The following BRAF variants were observed in gnomAD, a reference collection of about 807,000 sequenced individuals.
BRAF encodes the protein serine/threonine-protein kinase B-raf.
In BRAF, 16 loss-of-function variants were observed where a neutral mutation model predicts 104.6. The ratio of observed to expected loss-of-function variants is 0.15; its 90% confidence interval spans 0.10 to 0.23. BRAF has a LOEUF of 0.23. Among genes scored for constraint, BRAF ranks in the 10% least tolerant of loss-of-function variants. The pLI is 1.00. For missense variants in BRAF, 541 were observed against 937.3 expected, an observed-to-expected ratio of 0.58 and a Z score of 5.52; for synonymous variants, 310 against 341.6, an observed-to-expected ratio of 0.91 and a Z score of 1.02.
intron 7 of BRAF, among the ~76,000 whole-genome samples, chr7:140,798,694 C>A (rs982115613): frequency 3.3e-5 from 5 of 151,628 alleles, no homozygotes; most frequent in African/African-American, 1.2e-4. Flanking sequence ...GTGTCTCACG[C>A]CTGTAATTCT....
chr7:140,744,963 G>A (rs1222188429), intron 17 of BRAF, among the ~76,000 whole-genome samples: 1 of 151,976 alleles, frequency 6.6e-6, no homozygotes, highest in African/African-American at 2.4e-5. Flanking sequence ...TTGCAGAGAT[G>A]TAACTTAGGT....
At chr7:140,899,373 G>A (rs1356330290) in intron 1 of BRAF, among the ~76,000 whole-genome samples, 1 of 152,144 alleles carries the variant, frequency 6.6e-6, no homozygotes, top group African/African-American at 2.4e-5. Context: ...CATTAGTCTA[G>A]GGCAAACGCC....
chr7:140,848,892 TC>T (rs1808849661), intron 2 of BRAF, among the ~76,000 whole-genome samples: 1 of 152,172 alleles, frequency 6.6e-6, no homozygotes, highest in Non-Finnish European at 1.5e-5. Flanking sequence ...TTTCCAAACT[TC>T]CAAGTTTACT....
chr7:140,801,631 C>T (rs1803127123), intron 5 of BRAF, 71 bp from the exon 6 acceptor site: 1 of 1,453,620 alleles, frequency 6.9e-7, no homozygotes, highest in Non-Finnish European at 9.5e-7. Flanking sequence ...CGTATCTACT[C>T]TCTTGTTTAA....
chr7:140,908,108 T>C (rs1252660585), intron 1 of BRAF, among the ~76,000 whole-genome samples: 2 of 152,214 alleles, frequency 1.3e-5, no homozygotes, highest in Non-Finnish European at 2.9e-5. Flanking sequence ...AATTTAACAG[T>C]GATTGTTTTA....
At chr7:140,726,992 G>A (rs1022403921) in intron 19 of BRAF, among the ~76,000 whole-genome samples, 5 of 152,100 alleles carry the variant, frequency 3.3e-5, no homozygotes, top group Non-Finnish European at 2.9e-5. Flanking sequence ...CACACCACAC[G>A]TTTGACAGAG....
chr7:140,772,635 A>T (rs1799966805), intron 14 of BRAF, among the ~76,000 whole-genome samples: 1 of 151,854 alleles, frequency 6.6e-6, no homozygotes. Flanking sequence ...CTCAAAATTT[A>T]AAAAAAGTAG....
In BRAF at chr7:140,722,836, T is replaced by G; in HGVS notation, c.*3658A>C. 9.5e-7 allele frequency: 1 copy of G among 1,053,238 alleles called. No homozygotes were observed. The highest frequency in any genetic ancestry group is 1.1e-6 in the Non-Finnish European group (1 of 871,744). 65.2% of individuals were successfully genotyped at this position (1,053,238 alleles called of 1,614,324 possible). ...TAATTTCATGCAATTGACTCAAGGT[T>G]AAGATTCTGAAACGTACCCCTAAAC... On this transcript the variant is annotated 3_prime_UTR_variant, in exon 20 of 20. Coordinates refer to ENST00000644969, the MANE Select transcript of BRAF (RefSeq NM_001374258.1).
At chr7:140,771,187 CT>C in intron 14 of BRAF, among the ~76,000 whole-genome samples, 1 of 152,030 alleles carries the variant, frequency 6.6e-6, no homozygotes, top group African/African-American at 2.4e-5. Flanking sequence ...AATGATTCAA[CT>C]TTTCTAATTA....
intron 14 of BRAF, among the ~76,000 whole-genome samples, chr7:140,770,615 G>A (rs1240214945): frequency 6.6e-6 from 1 of 151,434 alleles, no homozygotes; most frequent in Admixed American, 6.6e-5. Flanking sequence ...GGGTCCTTGG[G>A]ATGAATCAAT....
intron 1 of BRAF, among the ~76,000 whole-genome samples, chr7:140,863,759 T>C (rs1027400717): frequency 6.6e-6 from 1 of 152,184 alleles, no homozygotes; most frequent in African/African-American, 2.4e-5. Context: ...GCTCCTGCCA[T>C]GTAAGACGCA....
intron 8 of BRAF, among the ~76,000 whole-genome samples, chr7:140,793,086 A>T (rs909685171): frequency 1.3e-5 from 2 of 152,250 alleles, no homozygotes; most frequent in Non-Finnish European, 2.9e-5. Context: ...GATGCACATG[A>T]AAAGGTGATA....
chr7:140,781,949 G>C (rs1247722927), intron 11 of BRAF, among the ~76,000 whole-genome samples: 1 of 152,054 alleles, frequency 6.6e-6, no homozygotes, highest in Non-Finnish European at 1.5e-5. Context: ...TAGGGTACAT[G>C]TGCACAACTT....
Position 140,725,208 on chromosome 7 carries a change from G to C in BRAF, c.*1286C>G. 1 of 1,043,848 alleles carries C rather than the reference G, an allele frequency of 9.6e-7. No individual in the cohort carries two copies. The highest frequency in any genetic ancestry group is 1.2e-6 in the Non-Finnish European group (1 of 865,492). 64.7% of individuals were successfully genotyped at this position (1,043,848 alleles called of 1,614,324 possible). ...ATAAAAGACTAGAAAGAAGATGTGG[G>C]ATATAGTGTTAGGAATCAGTTGGAA... is the stretch of plus-strand genomic sequence containing the variant. On this transcript the variant is annotated 3_prime_UTR_variant, in exon 20 of 20. Transcript: ENST00000644969.
intron 1 of BRAF, among the ~76,000 whole-genome samples, chr7:140,895,214 G>C (rs1218067103): frequency 6.6e-6 from 1 of 151,764 alleles, no homozygotes; most frequent in African/African-American, 2.4e-5. Flanking sequence ...GATCAATGTA[G>C]GAAAAAAACA....
At chr7:140,824,303 C>T (rs1805776711) in intron 3 of BRAF, 2 of 152,046 alleles carry the variant, frequency 1.3e-5, no homozygotes, top group African/African-American at 4.8e-5. Flanking sequence ...AGTCTTTGAT[C>T]CATTTTGGGT....
intron 3 of BRAF, among the ~76,000 whole-genome samples, chr7:140,821,025 G>C (rs1264544942): frequency 6.6e-6 from 1 of 152,158 alleles, no homozygotes; most frequent in Admixed American, 6.5e-5. Context: ...TTTTAAGACA[G>C]GGACTCACTC....
chr7:140,873,433 G>A (rs1271770726), intron 1 of BRAF, among the ~76,000 whole-genome samples: 2 of 152,138 alleles, frequency 1.3e-5, no homozygotes, highest in Non-Finnish European at 2.9e-5. Context: ...GCCTCCCAAA[G>A]TGCTGAAATA....
chr7:140,759,399 T>G (rs1290030784), intron 14 of BRAF, among the ~76,000 whole-genome samples: 1 of 152,252 alleles, frequency 6.6e-6, no homozygotes, highest in African/African-American at 2.4e-5. Flanking sequence ...GTTATTTATT[T>G]ATTTAAGATG....
Sources: allele counts gnomAD v4.1 joint callset (sites outside exome capture counted in the v4.1 genomes callset), GRCh38; gene constraint gnomAD v4.1.1; transcripts MANE v1.5; gene names NCBI Gene and HGNC (gene_info 2026-07-23, HGNC 2026-07-21).